The following PRKCA variants were observed in gnomAD, a reference collection of about 807,000 sequenced individuals.
PRKCA encodes protein kinase C alpha type.
A neutral mutation model predicts 87.0 loss-of-function variants in PRKCA; 27 were observed. The observed-to-expected ratio is 0.31, with a 90% CI of 0.23 to 0.43. The LOEUF is 0.43. PRKCA is among the 20% of genes least tolerant of loss of function. PRKCA has a pLI of 1.00. For synonymous variants in PRKCA, 329 were observed against 311.1 expected (o/e 1.06, Z -0.61); for missense variants, 518 against 852.3 (o/e 0.61, Z 4.88).
In PRKCA at chr17:66,803,332, C is replaced by T. The variant is rs964261726; in HGVS notation, c.1855-541C>T. 2.6e-5 allele frequency among the ~76,000 whole-genome samples: 4 copies of T among 152,208 alleles called. No individual in the cohort carries two copies. Among genetic ancestry groups the T allele is most frequent in the Non-Finnish European group, 5.9e-5 (4 of 68,042 alleles). On this transcript the variant is annotated intron_variant, in intron 16 of 16. Transcript: ENST00000413366. The surrounding 1 kb of genome is among the most constrained non-coding windows in gnomAD (Gnocchi z 4.4). Reference sequence around the variant, plus strand: ...CCTTGCCGCCACACCTACCTCATATCGCTTGAAGCTTAATTTAGGGGCTGG... The same window carrying T: ...CCTTGCCGCCACACCTACCTCATATTGCTTGAAGCTTAATTTAGGGGCTGG...
chr17:66,555,382 C>T (rs1968464124), intron 3 of PRKCA, among the ~76,000 whole-genome samples: 1 of 152,172 alleles, frequency 6.6e-6, no homozygotes, highest in African/African-American at 2.4e-5. Context: ...GATCCTTCAC[C>T]ACCAAGAACA....
At position 66,350,020 on chromosome 17, in the gene PRKCA, C is replaced by A. The variant is rs184134833; in HGVS notation, c.205+43893C>A. ...TGTGGGGAAAGGAGAGAGGGGGCAGCTGAGCACCTAATGGGCAGTGAAAAA... is the reference window on the plus strand; with the variant it reads ...TGTGGGGAAAGGAGAGAGGGGGCAGATGAGCACCTAATGGGCAGTGAAAAA... On this transcript the variant is annotated intron_variant, in intron 2 of 16. Coordinates refer to ENST00000413366, the MANE Select transcript of PRKCA (RefSeq NM_002737.3). Among the ~76,000 whole-genome samples, 755 of 152,132 alleles carry A rather than the reference C, an allele frequency of 5.0e-3. 6 individuals are homozygous for A. The highest frequency in any genetic ancestry group is 0.038 in the South Asian group (182 of 4,804).
intron 3 of PRKCA, among the ~76,000 whole-genome samples, chr17:66,578,021 C>G (rs932842414): frequency 6.6e-6 from 1 of 152,110 alleles, no homozygotes; most frequent in African/African-American, 2.4e-5. Flanking sequence ...GCCCCCTCCA[C>G]CCCGTGAGCT....
chr17:66,745,194 T>C (rs781488617), intron 13 of PRKCA, among the ~76,000 whole-genome samples: 39 of 152,226 alleles, frequency 2.6e-4, no homozygotes, highest in Non-Finnish European at 5.1e-4. Context: ...CTCACTGTCC[T>C]CAACAGGGAC....
chr17:66,606,290 AG>A (rs1190460080), intron 3 of PRKCA, among the ~76,000 whole-genome samples: 3 of 152,200 alleles, frequency 2.0e-5, no homozygotes, highest in Non-Finnish European at 4.4e-5. Flanking sequence ...CGGGAGGCTG[AG>A]GCAGGAGAAT....
At chr17:66,310,256 ATG>A in intron 2 of PRKCA, among the ~76,000 whole-genome samples, 1 of 151,872 alleles carries the variant, frequency 6.6e-6, no homozygotes. Context: ...ACAAATGAAA[ATG>A]TGCTACAAAC....
intron 2 of PRKCA, among the ~76,000 whole-genome samples, chr17:66,490,540 T>C (rs752001511): frequency 6.6e-6 from 1 of 152,008 alleles, no homozygotes; most frequent in Non-Finnish European, 1.5e-5. Flanking sequence ...GAGACGGGGT[T>C]TCACCGTGTT....
chr17:66,649,632 CTT>C (rs925480512), intron 5 of PRKCA, among the ~76,000 whole-genome samples: 56 of 152,312 alleles, frequency 3.7e-4, no homozygotes, highest in African/African-American at 1.2e-3. Context: ...CCAAGTCTCT[CTT>C]ATTAATTAGA....
chr17:66,437,731 T>TTTTTTTTTTTTTG lies in PRKCA; in HGVS notation c.206-58470_206-58469insTTTTTTTTTTTTG, dbSNP rs55779501. Among the ~76,000 whole-genome samples, 17 of 11,164 alleles carry TTTTTTTTTTTTTG rather than the reference T, an allele frequency of 1.5e-3. 1 individual carries two copies. Among genetic ancestry groups the TTTTTTTTTTTTTG allele is most frequent in the East Asian group, 2.1e-3 (1 of 466 alleles). The allele number at this position is 11,164 out of a possible 152,430, so 7.3% of individuals were successfully genotyped here. A position where few individuals can be genotyped will look rare whatever the true frequency, so the allele number is the denominator to read the frequency against. On this transcript the variant is annotated intron_variant, in intron 2 of 16. Transcript: ENST00000413366. The stretch of plus-strand genomic sequence containing the variant: ...TTGTTTCAAGTTTCCTTTTTTTTTT[T>TTTTTTTTTTTTTG]GAGCGGGGGGTGGGTGGGGCGGGGG...
In PRKCA at chr17:66,673,782, A is replaced by G. The variant is rs542635726; in HGVS notation, c.530-13329A>G. 5.3e-5 allele frequency among the ~76,000 whole-genome samples: 8 copies of G among 152,314 alleles called. No individual in the cohort carries two copies. In the South Asian group the frequency reaches 1.7e-3, roughly 32 times the overall value. On this transcript the variant is annotated intron_variant, in intron 5 of 16. Coordinates refer to ENST00000413366, the MANE Select transcript of PRKCA (RefSeq NM_002737.3). ...GCATTTTATTTCCTGAAATCTAGAG[A>G]AGTTCCACGTGATCACTATTTAACC...
At chr17:66,720,036 G>T (rs754138408) in intron 8 of PRKCA, among the ~76,000 whole-genome samples, 4 of 152,314 alleles carry the variant, frequency 2.6e-5, no homozygotes, top group Middle Eastern at 6.8e-3. Flanking sequence ...GCTGTGCCGG[G>T]GAACAAAACA....
chr17:66,398,405 A>T (rs762096482), intron 2 of PRKCA, among the ~76,000 whole-genome samples: 1 of 152,238 alleles, frequency 6.6e-6, no homozygotes, highest in Non-Finnish European at 1.5e-5. Flanking sequence ...ATAGTGGCTC[A>T]TGATGGCTTT....
chr17:66,392,960 T>G (rs1379746233), intron 2 of PRKCA, among the ~76,000 whole-genome samples: 1 of 152,138 alleles, frequency 6.6e-6, no homozygotes, highest in East Asian at 1.9e-4. Flanking sequence ...GCACACACCC[T>G]AGACCAGTGA....
At chr17:66,448,060 A>G (rs554839135) in intron 2 of PRKCA, among the ~76,000 whole-genome samples, 11 of 152,308 alleles carry the variant, frequency 7.2e-5, no homozygotes, top group African/African-American at 2.6e-4. Flanking sequence ...GATTGAATGG[A>G]ATTAAATCCT....
intron 14 of PRKCA, chr17:66,778,248 T>C: frequency 2.1e-6 from 2 of 973,418 alleles, no homozygotes; most frequent in Non-Finnish European, 2.4e-6. Flanking sequence ...GCCCGGTGGC[T>C]CACACCTGTA....
chr17:66,613,698 T>C (rs1970436033), intron 3 of PRKCA, among the ~76,000 whole-genome samples: 1 of 152,042 alleles, frequency 6.6e-6, no homozygotes, highest in South Asian at 2.1e-4. Context: ...TCTGTGTATC[T>C]TTGTGTGTGT....
rs368602635 is a variant in PRKCA at position 66,566,479 on chromosome 17, G to GTTTT, written c.288+70196_288+70197insTTTT. Among the ~76,000 whole-genome samples the GTTTT allele has an allele frequency of 3.9e-4, 29 of 74,692 alleles. 2 individuals carry two copies. The highest frequency in any genetic ancestry group is 5.0e-4 in the Non-Finnish European group (18 of 35,988). The allele number at this position is 74,692 out of a possible 152,430, so 49.0% of individuals were successfully genotyped here. ...TTGTGAAGAACTGTTGTTGTTTTTT[G>GTTTT]GTTTTTTTTTTTTTTTTTTTTTTGC... On this transcript the variant is annotated intron_variant, in intron 3 of 16. Coordinates refer to ENST00000413366, the MANE Select transcript of PRKCA (RefSeq NM_002737.3).
chr17:66,488,724 A>C (rs540915758), intron 2 of PRKCA, among the ~76,000 whole-genome samples: 1 of 152,264 alleles, frequency 6.6e-6, no homozygotes, highest in Non-Finnish European at 1.5e-5. Context: ...TGGATTTTTG[A>C]AAGAGTTCAT....
intron 3 of PRKCA, among the ~76,000 whole-genome samples, chr17:66,615,531 CAG>C (rs1464494779): frequency 2.0e-5 from 3 of 152,058 alleles, no homozygotes; most frequent in African/African-American, 7.2e-5. Flanking sequence ...CATTCATAGG[CAG>C]AGAACTGTCT....
Sources: allele counts gnomAD v4.1 joint callset (sites outside exome capture counted in the v4.1 genomes callset), GRCh38; gene constraint gnomAD v4.1.1; non-coding constraint Gnocchi (gnomAD v3.1); transcripts MANE v1.5; gene names NCBI Gene and HGNC (gene_info 2026-07-23, HGNC 2026-07-21).